The following RBPJL variants were observed in gnomAD, a reference collection of about 807,000 sequenced individuals.
RBPJL encodes the protein recombining binding protein suppressor of hairless-like protein.
In RBPJL, 50 loss-of-function variants were observed where a neutral mutation model predicts 57.6. The ratio of observed to expected loss-of-function variants is 0.87; its 90% CI spans 0.69 to 1.10. The LOEUF (loss-of-function observed/expected upper bound fraction) is 1.10. Ranked by LOEUF, RBPJL falls within the 50% of genes least tolerant of loss-of-function variation. The probability of loss-of-function intolerance (pLI) is 0.00; values close to 1 mark genes in which losing one functional copy is unlikely to be tolerated. For missense variants in RBPJL, 684 were observed against 693.7 expected, an observed-to-expected ratio of 0.99 and a Z score of 0.16; for synonymous variants, 303 against 294.4, an observed-to-expected ratio of 1.03 and a Z score of -0.30.
At chr20:45,307,465 G>T (rs1380809413) in intron 1 of RBPJL, among the ~76,000 whole-genome samples, 1 of 152,168 alleles carries the variant, frequency 6.6e-6, no homozygotes, top group East Asian at 1.9e-4. Context: ...AAGTGGGAGG[G>T]CGGGGAACCC....
rs1396668844 is a variant in RBPJL, at chr20:45,314,513, G to A, written c.968G>A (p.Gly323Glu). 1 of 1,614,070 alleles carries A rather than the reference G, an allele frequency of 6.2e-7. No individual in the cohort carries two copies. The highest frequency in any genetic ancestry group is 8.5e-7 in the Non-Finnish European group (1 of 1,180,002). Residue 323 changes from glycine to glutamate, a missense_variant, in exon 9 of 12, where the codon GGA becomes GAA. Physicochemically the swap from Gly to Glu is moderately conservative, Grantham distance 98. Coordinates refer to ENST00000343694, the MANE Select transcript of RBPJL (RefSeq NM_014276.4). Reference sequence around the variant, plus strand: ...TTCCAGTTTCCAGGCAGTCCCCCAGGAGGGGGTGGCACCTACTTATGCCTT... The same window carrying A: ...TTCCAGTTTCCAGGCAGTCCCCCAGAAGGGGGTGGCACCTACTTATGCCTT... ...CAFQFPGSPP[G>E]GGGTYLCLAT...
intron 2 of RBPJL, 131 bp downstream of exon 2, chr20:45,308,382 G>A (rs1389607130): frequency 4.7e-6 from 3 of 632,584 alleles, no homozygotes; most frequent in East Asian, 2.7e-5. Context: ...CCTCCCACTG[G>A]CAGGGAGGGA....
At position 45,308,263 on chromosome 20, in the gene RBPJL, G is replaced by A. The variant is rs770151214; in HGVS notation, c.131+12G>A. On this transcript the variant is annotated intron_variant, in intron 2 of 11. Transcript: ENST00000343694. Reference sequence around the variant, plus strand: ...GGCACTTGGACCAGGTAACGGCGGCGTGGCAGCGTGCCCTAGGTGGGGACT... The same window carrying A: ...GGCACTTGGACCAGGTAACGGCGGCATGGCAGCGTGCCCTAGGTGGGGACT... 2.4e-5 allele frequency: 38 copies of A among 1,570,242 alleles called. No homozygotes were observed. The highest frequency in any genetic ancestry group is 5.0e-5 in the Admixed American group (3 of 59,898).
intron 3 of RBPJL, among the ~76,000 whole-genome samples, chr20:45,311,088 G>A (rs1396682928): frequency 1.4e-5 from 2 of 144,120 alleles, no homozygotes; most frequent in African/African-American, 2.6e-5. Flanking sequence ...CTGCATTCCA[G>A]CCTGGGCAAC....
chr20:45,312,451 G>C, intron 6 of RBPJL, 56 bp downstream of exon 6: 1 of 1,565,222 alleles, frequency 6.4e-7, no homozygotes, highest in East Asian at 2.3e-5. Flanking sequence ...ACCAAGCCCA[G>C]AACGGCTAAA....
Position 45,316,538 on chromosome 20 carries a change from T to G in RBPJL, c.1238T>G (p.Leu413Arg). The part of the protein sequence containing the change: ...ELHGENFHAG[L>R]KVWFGDVEAE... The stretch of plus-strand genomic sequence containing the variant: ...CACGGAGAGAACTTCCACGCGGGGC[T>G]CAAGGTGTGGTTTGGGGACGTGGAG... Residue 413 changes from leucine to arginine, a missense_variant, in exon 11 of 12, where the codon CTC (leucine) becomes CGC (arginine). Transcript: ENST00000343694. The G allele has an allele frequency of 6.5e-7, 1 of 1,540,128 alleles. No individual in the cohort carries two copies. The highest frequency in any genetic ancestry group is 8.7e-7 in the Non-Finnish European group (1 of 1,143,830).
At chr20:45,311,473 G>A in intron 3 of RBPJL, 116 bp from the exon 4 acceptor site, 2 of 901,532 alleles carry the variant, frequency 2.2e-6, no homozygotes, top group Admixed American at 2.1e-5. Context: ...AAAGCGTTGC[G>A]GGGAGCGGGA....
intron 8 of RBPJL, 68 bp from the exon 9 acceptor site, chr20:45,314,345 G>C (rs1987349307): frequency 6.4e-7 from 1 of 1,553,904 alleles, no homozygotes; most frequent in Non-Finnish European, 8.8e-7. Flanking sequence ...CAGACAGCCG[G>C]CTAGGAGGGC....
chr20:45,316,638 C>A (rs745433904), intron 11 of RBPJL, 48 bp from the exon 12 acceptor site: 1 of 1,527,636 alleles, frequency 6.5e-7, no homozygotes, highest in South Asian at 1.2e-5. Flanking sequence ...AGGGGGTGCA[C>A]GCGTCGTCGG....
intron 1 of RBPJL, 54 bp downstream of exon 1, chr20:45,306,998 AC>A: frequency 3.4e-6 from 3 of 884,942 alleles, no homozygotes; most frequent in South Asian, 5.5e-5. Context: ...ACTACGAAGG[AC>A]CACCCCCCCA....
chr20:45,311,116 CAAAAA>C (rs34206228), intron 3 of RBPJL, among the ~76,000 whole-genome samples: 1 of 91,506 alleles, frequency 1.1e-5, no homozygotes, highest in Admixed American at 1.2e-4. Flanking sequence ...GACCCTGCCT[CAAAAA>C]AAAAAAAAAA....
chr20:45,315,901 A>G (rs1275614611), intron 9 of RBPJL: 7 of 352,366 alleles, frequency 2.0e-5, no homozygotes, highest in Non-Finnish European at 3.5e-5. Context: ...GAAAGAAAGG[A>G]AAAAAGAGAG....
rs1390607832 is a variant in RBPJL, at chr20:45,311,865, A to G, written c.355A>G (p.Thr119Ala). 2 of 1,551,562 alleles carry G rather than the reference A, an allele frequency of 1.3e-6. No homozygotes were observed. The highest frequency in any genetic ancestry group is 2.7e-5 in the African/African-American group (2 of 73,038). Reference protein sequence around the residue: ...QAHQAGETGPTVCGYMGLDSA... With the variant: ...QAHQAGETGPAVCGYMGLDSA... ...TCACCAGGCGGGGGAAACGGGGCCC[A>G]CGGTCTGCGGTTACATGGGACTGGA... Residue 119 changes from threonine to alanine, a missense_variant, in exon 5 of 12, where the codon ACG becomes GCG. Physicochemically the swap from Thr to Ala is moderately conservative, Grantham distance 58. Transcript: ENST00000343694.
chr20:45,308,105 C>A (rs749535992), intron 1 of RBPJL, 38 bp from the exon 2 acceptor site: 2 of 1,469,132 alleles, frequency 1.4e-6, no homozygotes, highest in East Asian at 2.3e-5. Context: ...TGCTAAAATA[C>A]ACTCGCCTGA....
In RBPJL at chr20:45,313,492, T is replaced by C. The variant is rs1300315448; in HGVS notation, c.644T>C (p.Val215Ala). 3.1e-6 allele frequency: 5 copies of C among 1,613,386 alleles called. No individual in the cohort carries two copies. The highest frequency in any genetic ancestry group is 4.2e-6 in the Non-Finnish European group (5 of 1,179,724). ...TDLCISSGSK[V>A]SLFNRLRSQT... ...GTGTGCATATCCTCCGGCTCAAAGG[T>C]CTCCCTCTTCAACCGCCTGCGCTCT... The change falls in exon 7 of 12, where the codon GTC becomes GCC. Residue 215 changes from valine to alanine, a missense_variant. By Grantham distance (64) the Val-to-Ala change is moderately conservative. Coordinates refer to ENST00000343694, the MANE Select transcript of RBPJL (RefSeq NM_014276.4).
In RBPJL at chr20:45,316,330, C is replaced by A; in HGVS notation, c.1164C>A (p.Ile388=). ...TLEPVTPVPL[I]STLELSGGGD... Reference sequence around the variant, plus strand: ...AGCCGGTCACTCCGGTGCCTCTCATCAGCACCCTAGAGGTGAAGCCGGGCG... The same window carrying A: ...AGCCGGTCACTCCGGTGCCTCTCATAAGCACCCTAGAGGTGAAGCCGGGCG... The change falls in exon 10 of 12, where the codon ATC becomes ATA. Residue 388 remains isoleucine, a synonymous_variant. Coordinates refer to ENST00000343694, the MANE Select transcript of RBPJL (RefSeq NM_014276.4). 2 of 1,614,048 alleles carry A rather than the reference C, an allele frequency of 1.2e-6. No homozygotes were observed. Among genetic ancestry groups the A allele is most frequent in the Non-Finnish European group, 1.7e-6 (2 of 1,179,940 alleles).
At chr20:45,314,638 A>C in intron 9 of RBPJL, 73 bp downstream of exon 9, 157 of 1,452,852 alleles carry the variant, frequency 1.1e-4, no homozygotes, top group Non-Finnish European at 1.3e-4. Context: ...ATGTAAGATC[A>C]TCACCCTCAC....
intron 9 of RBPJL, 125 bp from the exon 10 acceptor site, chr20:45,316,062 G>T: frequency 1.2e-6 from 1 of 850,320 alleles, no homozygotes; most frequent in Non-Finnish European, 1.8e-6. Flanking sequence ...GGGGACAAGT[G>T]AACCCCAGAG....
Position 45,314,033 on chromosome 20 carries a change from A to T in RBPJL, c.758-2A>T. 1 of 1,611,256 alleles carries T rather than the reference A, an allele frequency of 6.2e-7. No individual in the cohort carries two copies. On this transcript the variant is annotated splice_acceptor_variant, in intron 7 of 11. Transcript: ENST00000343694. LOFTEE classifies it high-confidence loss of function. Reference sequence around the variant, plus strand: ...TTGTCCCTTGCTTTTTTTGTCCCCCAGCTGATGGGCACTCTGCCCAAGGAG... The same window carrying T: ...TTGTCCCTTGCTTTTTTTGTCCCCCTGCTGATGGGCACTCTGCCCAAGGAG...
Sources: allele counts gnomAD v4.1 joint callset (sites outside exome capture counted in the v4.1 genomes callset), GRCh38; gene constraint gnomAD v4.1.1; transcripts MANE v1.5; gene names NCBI Gene and HGNC (gene_info 2026-07-23, HGNC 2026-07-21).